LMX1A: variants seen among roughly 807,000 people sequenced by gnomAD.
The protein encoded by LMX1A is LIM homeobox transcription factor 1-alpha.
In LMX1A, 15 loss-of-function variants were observed where a neutral mutation model predicts 49.1. The observed-to-expected ratio is 0.31, with a 90% CI of 0.20 to 0.47. The LOEUF is 0.47. Ranked by LOEUF, LMX1A falls within the 20% of genes least tolerant of loss-of-function variation. The pLI is 1.00. For missense variants in LMX1A, 372 were observed against 475.8 expected (o/e 0.78, Z 2.03); for synonymous variants, 167 against 185.7 (o/e 0.90, Z 0.82).
At chr1:165,291,411 T>C (rs1322352393) in intron 3 of LMX1A, among the ~76,000 whole-genome samples, 1 of 152,212 alleles carries the variant, frequency 6.6e-6, no homozygotes, top group Non-Finnish European at 1.5e-5. Flanking sequence ...TGTTTCCATC[T>C]GTTATGTTCC....
chr1:165,228,938 T>G (rs1652144892), intron 4 of LMX1A, among the ~76,000 whole-genome samples: 1 of 152,166 alleles, frequency 6.6e-6, no homozygotes, highest in Non-Finnish European at 1.5e-5. Flanking sequence ...CCACTATCTG[T>G]ACTGCTGTGT....
At chr1:165,299,748 A>G (rs1299672791) in intron 3 of LMX1A, among the ~76,000 whole-genome samples, 2 of 148,714 alleles carry the variant, frequency 1.3e-5, no homozygotes, top group Admixed American at 1.4e-4. Context: ...ATGTCTGACA[A>G]CAAGGAAACC....
At chr1:165,285,156 G>T (rs1654269322) in intron 3 of LMX1A, among the ~76,000 whole-genome samples, 1 of 152,220 alleles carries the variant, frequency 6.6e-6, no homozygotes. Context: ...CTGGAGGCAA[G>T]GATCCAGTGA....
intron 3 of LMX1A, among the ~76,000 whole-genome samples, chr1:165,334,256 T>C (rs934148104): frequency 1.3e-5 from 2 of 152,182 alleles, no homozygotes; most frequent in African/African-American, 4.8e-5. Context: ...CAGCCTGCAA[T>C]TCAGTTGAAA....
At chr1:165,257,772 A>G (rs999007181) in intron 3 of LMX1A, among the ~76,000 whole-genome samples, 1 of 152,160 alleles carries the variant, frequency 6.6e-6, no homozygotes, top group African/African-American at 2.4e-5. Context: ...ATCTTCATCA[A>G]CCTCATCCCA....
At chr1:165,303,426 A>G (rs1339234244) in intron 3 of LMX1A, among the ~76,000 whole-genome samples, 1 of 152,046 alleles carries the variant, frequency 6.6e-6, no homozygotes, top group Non-Finnish European at 1.5e-5. Context: ...CCTTGTACCC[A>G]CTCTGGTGCT....
intron 7 of LMX1A, among the ~76,000 whole-genome samples, chr1:165,206,273 T>C (rs1473072517): frequency 6.6e-6 from 1 of 152,192 alleles, no homozygotes; most frequent in Non-Finnish European, 1.5e-5. Context: ...GTTTTGATGC[T>C]AGCCACATGT....
intron 3 of LMX1A, among the ~76,000 whole-genome samples, chr1:165,307,510 G>A (rs1435335528): frequency 2.0e-5 from 3 of 152,234 alleles, no homozygotes; most frequent in South Asian, 4.1e-4. Flanking sequence ...GCCACAGGCA[G>A]AATGAAGAAG....
At chr1:165,228,814 C>T (rs1652136074) in intron 4 of LMX1A, among the ~76,000 whole-genome samples, 1 of 152,022 alleles carries the variant, frequency 6.6e-6, no homozygotes, top group African/African-American at 2.4e-5. Context: ...TCCAGGAGGC[C>T]ACATGCAAAA....
chr1:165,336,501 G>A (rs1288674776), intron 3 of LMX1A, among the ~76,000 whole-genome samples: 1 of 152,116 alleles, frequency 6.6e-6, no homozygotes, highest in Admixed American at 6.6e-5. Context: ...CTCTGAAGAA[G>A]TTTTTAAAGA....
At position 165,329,689 on chromosome 1, in the gene LMX1A, T is replaced by C. The variant is rs1290157663; in HGVS notation, c.263+23387A>G. 5.9e-5 allele frequency among the ~76,000 whole-genome samples: 8 copies of C among 135,044 alleles called. No homozygotes were observed. In the Admixed American group the frequency reaches 6.6e-4, roughly 11 times the overall value. The allele number at this position is 135,044 out of a possible 152,430, so 88.6% of individuals were successfully genotyped here. The stretch of plus-strand genomic sequence containing the variant: ...ATAAGAGGTTAAAAAAATCAGAGGA[T>C]ACAGAAAATTTTGGTGGAGTCTGAC... On this transcript the variant is annotated intron_variant, in intron 3 of 8. Coordinates refer to ENST00000342310, the MANE Select transcript of LMX1A (RefSeq NM_177398.4).
intron 3 of LMX1A, among the ~76,000 whole-genome samples, chr1:165,269,604 T>C (rs1022288930): frequency 2.6e-5 from 4 of 152,252 alleles, no homozygotes; most frequent in African/African-American, 7.2e-5. Flanking sequence ...CCTATGTTCA[T>C]TGCAGAACTA....
intron 3 of LMX1A, among the ~76,000 whole-genome samples, chr1:165,294,403 G>A (rs1332395550): frequency 6.6e-6 from 1 of 152,202 alleles, no homozygotes; most frequent in Non-Finnish European, 1.5e-5. Flanking sequence ...TGCCCAGTGT[G>A]AGCCATAGTT....
intron 3 of LMX1A, among the ~76,000 whole-genome samples, chr1:165,264,132 G>A (rs1007225756): frequency 6.6e-6 from 1 of 152,018 alleles, no homozygotes; most frequent in Non-Finnish European, 1.5e-5. Flanking sequence ...CAAGCAAGGA[G>A]GGACTGGGTA....
chr1:165,284,270 A>G (rs1654239206), intron 3 of LMX1A, among the ~76,000 whole-genome samples: 1 of 152,238 alleles, frequency 6.6e-6, no homozygotes, highest in Non-Finnish European at 1.5e-5. Flanking sequence ...TGAGCTGTAA[A>G]TGTATGGATT....
At chr1:165,335,420 G>A (rs73019132) in intron 3 of LMX1A, among the ~76,000 whole-genome samples, 3,980 of 152,090 alleles carry the variant, frequency 0.026, 170 homozygotes, top group African/African-American at 0.091. Context: ...GGAGCATTTC[G>A]TGGTCTTGTT....
At chr1:165,260,600 G>A (rs1189268917) in intron 3 of LMX1A, among the ~76,000 whole-genome samples, 1 of 152,102 alleles carries the variant, frequency 6.6e-6, no homozygotes, top group Non-Finnish European at 1.5e-5. Flanking sequence ...CACTATATTA[G>A]GAACTAAATT....
intron 3 of LMX1A, among the ~76,000 whole-genome samples, chr1:165,270,145 C>G (rs1377539817): frequency 6.6e-6 from 1 of 152,148 alleles, no homozygotes; most frequent in Non-Finnish European, 1.5e-5. Flanking sequence ...AGAAAAAGTA[C>G]TGAGATGCCT....
At chr1:165,320,931 C>G (rs1655367451) in intron 3 of LMX1A, among the ~76,000 whole-genome samples, 1 of 152,164 alleles carries the variant, frequency 6.6e-6, no homozygotes, top group South Asian at 2.1e-4. Flanking sequence ...CATACTAAAA[C>G]TTCTACATAA....
Sources: gnomAD v4.1 joint callset for allele counts (sites outside exome capture counted in the v4.1 genomes callset) on GRCh38, gnomAD v4.1.1 for gene constraint, MANE v1.5 for transcripts, NCBI Gene and HGNC (gene_info 2026-07-23, HGNC 2026-07-21) for gene names.